Variants in FBN2 observed in about 807,000 individuals in gnomAD.
FBN2 encodes the protein fibrillin 2, also known as fibrillin-2.
Under a neutral mutation model 355.6 loss-of-function variants are expected in FBN2, and 105 were observed. That is an observed-to-expected ratio of 0.30 (90% confidence interval 0.25 to 0.35). The LOEUF (loss-of-function observed/expected upper bound fraction) is 0.35, where lower values mean the gene tolerates loss of function less well. FBN2 is among the 10% of genes least tolerant of loss of function. The pLI, the probability that FBN2 is intolerant of heterozygous loss-of-function variation, is 1.00. For synonymous variants in FBN2, 1,350 were observed against 1,301.2 expected, an observed-to-expected ratio of 1.04 and a Z score of -0.81; for missense variants, 3,280 against 3,758.7, an observed-to-expected ratio of 0.87 and a Z score of 3.33.
At position 128,371,364 on chromosome 5, in the gene FBN2, C is replaced by G. The variant is rs1751930985; in HGVS notation, c.2096-2030G>C. On this transcript the variant is annotated intron_variant, in intron 15 of 64. Transcript: ENST00000262464. ...ATGAATGATCTGGTGACAGACTGGACCTAAATGCATCTTTTCCATATGTTA... is the reference window on the plus strand; with the variant it reads ...ATGAATGATCTGGTGACAGACTGGAGCTAAATGCATCTTTTCCATATGTTA... Among the ~76,000 whole-genome samples the G allele has an allele frequency of 3.3e-5, 5 of 152,082 alleles. No homozygotes were observed. The South Asian group carries it at 1.0e-3, about 32-fold the overall frequency.
intron 40 of FBN2, 103 bp from the exon 41 acceptor site, chr5:128,309,502 C>G (rs1006537984): frequency 7.4e-6 from 7 of 948,552 alleles, no homozygotes; most frequent in Non-Finnish European, 1.2e-5. Flanking sequence ...GAACACAACT[C>G]GGAAACCCTT....
chr5:128,525,233 C>G (rs529180100), intron 4 of FBN2, among the ~76,000 whole-genome samples: 1 of 152,250 alleles, frequency 6.6e-6, no homozygotes, highest in Non-Finnish European at 1.5e-5. Flanking sequence ...TTTCCCTCTA[C>G]AGAGCAAAAG....
At chr5:128,287,047 G>C (rs1749173099) in intron 54 of FBN2, among the ~76,000 whole-genome samples, 198 bp from the exon 55 acceptor site, 1 of 152,102 alleles carries the variant, frequency 6.6e-6, no homozygotes, top group Admixed American at 6.6e-5. Flanking sequence ...AAGAAGTTTA[G>C]GGAAGGGCAA....
chr5:128,264,085 T>G (rs184099929), intron 62 of FBN2, among the ~76,000 whole-genome samples: 15 of 152,210 alleles, frequency 9.9e-5, no homozygotes, highest in Admixed American at 9.2e-4. Context: ...TTGGAGGTGA[T>G]GAGAATGTTC....
chr5:128,474,737 A>C (rs1754963789), intron 5 of FBN2, among the ~76,000 whole-genome samples: 1 of 152,198 alleles, frequency 6.6e-6, no homozygotes, highest in Non-Finnish European at 1.5e-5. Context: ...CTTTCCGAGG[A>C]AACTAATGTG....
intron 7 of FBN2, among the ~76,000 whole-genome samples, chr5:128,416,346 T>C (rs952685429): frequency 6.6e-6 from 1 of 152,206 alleles, no homozygotes; most frequent in African/African-American, 2.4e-5. Flanking sequence ...AAACATTTTA[T>C]CCAATTTAAC....
chr5:128,456,022 A>AAAAAAAAAAAAAAC (rs1362762303), intron 6 of FBN2, among the ~76,000 whole-genome samples: 1 of 147,946 alleles, frequency 6.8e-6, no homozygotes, highest in African/African-American at 2.5e-5. Context: ...AAAAAAAAAA[A>AAAAAAAAAAAAAAC]AGCAACTGCT....
chr5:128,512,354 G>A (rs1281611111), intron 5 of FBN2, among the ~76,000 whole-genome samples: 1 of 151,698 alleles, frequency 6.6e-6, no homozygotes. Flanking sequence ...TCTATTAAAA[G>A]TACAAAAATA....
At chr5:128,400,680 C>A (rs1752774054) in intron 8 of FBN2, among the ~76,000 whole-genome samples, 1 of 152,110 alleles carries the variant, frequency 6.6e-6, no homozygotes, top group African/African-American at 2.4e-5. Flanking sequence ...TATTCTTGGA[C>A]CACAATGTAT....
chr5:128,497,064 T>G (rs973348886), intron 5 of FBN2, among the ~76,000 whole-genome samples: 39 of 152,254 alleles, frequency 2.6e-4, no homozygotes, highest in African/African-American at 8.7e-4. Flanking sequence ...TGAAAAGATA[T>G]TCCATGAAAG....
intron 39 of FBN2, 25 bp downstream of exon 39, chr5:128,311,275 A>G (rs756588884): frequency 1.2e-6 from 2 of 1,613,802 alleles, no homozygotes; most frequent in Non-Finnish European, 1.7e-6. Flanking sequence ...AGCACTGAGC[A>G]TTTTAGGCAT....
At chr5:128,327,628 T>G (rs553953838) in intron 34 of FBN2, among the ~76,000 whole-genome samples, 12 of 151,434 alleles carry the variant, frequency 7.9e-5, no homozygotes, top group South Asian at 2.1e-4. Context: ...TTTGTTGGTT[T>G]GTTTGTTTTT....
At chr5:128,510,250 AAAAAAAG>A (rs534630319) in intron 5 of FBN2, among the ~76,000 whole-genome samples, 3 of 152,162 alleles carry the variant, frequency 2.0e-5, no homozygotes, top group Non-Finnish European at 4.4e-5. Flanking sequence ...GCTGATGACC[AAAAAAAG>A]AAAAAAGAAA....
Position 128,376,770 on chromosome 5 carries a change from G to C in FBN2, c.1933C>G (p.Pro645Ala). Residue 645 changes from proline (P) to alanine (A), a missense_variant, in exon 14 of 65, where the codon CCA becomes GCA. Physicochemically the swap from Pro to Ala is conservative, Grantham distance 27 (BLOSUM62 -1). Transcript: ENST00000262464. ...EDGSFKCICK[P>A]GFVLAPNGRY... ...CCATTTGGAGCCAAGACAAATCCTG[G>C]TTTGCAGATGCACTTGAAGCTGCCA... The C allele has an allele frequency of 6.2e-7, 1 of 1,613,718 alleles. No homozygotes were observed. The highest frequency in any genetic ancestry group is 1.7e-4 in the Middle Eastern group (1 of 6,058).
chr5:128,326,267 C>T (rs1253624263), intron 34 of FBN2, among the ~76,000 whole-genome samples: 7 of 152,154 alleles, frequency 4.6e-5, no homozygotes, highest in Non-Finnish European at 1.0e-4. Flanking sequence ...AAGCTGTATT[C>T]AGTCGCCCAA....
intron 42 of FBN2, 23 bp downstream of exon 42, chr5:128,307,112 A>T: frequency 6.6e-7 from 1 of 1,520,628 alleles, no homozygotes; most frequent in Non-Finnish European, 9.1e-7. Context: ...GTATTAAAAC[A>T]AACATAATCT....
intron 39 of FBN2, 42 bp from the exon 40 acceptor site, chr5:128,310,150 T>C: frequency 1.3e-6 from 2 of 1,499,830 alleles, no homozygotes; most frequent in Non-Finnish European, 1.8e-6. Context: ...AAATCTATTT[T>C]TTCAATGAAT....
chr5:128,335,518 C>T lies in FBN2; in HGVS notation c.3784G>A (p.Gly1262Arg), dbSNP rs763526527. 5.0e-6 allele frequency: 8 copies of T among 1,613,724 alleles called. No individual in the cohort carries two copies. Among genetic ancestry groups the T allele is most frequent in the Non-Finnish European group, 6.8e-6 (8 of 1,179,588 alleles). The part of the protein sequence containing the change: ...GCDTQCTNSE[G>R]SYECSCSEGY... ...TCACTGCAGCTGCATTCGTAGCTTC[C>T]CTCTGAATTTGTGCACTGGGTGTCA... Residue 1262 changes from glycine to arginine, a missense_variant, in exon 29 of 65, where the codon GGA becomes AGA. Physicochemically the swap from Gly to Arg is moderately radical, Grantham distance 125. Transcript: ENST00000262464.
intron 17 of FBN2, 53 bp downstream of exon 17, chr5:128,366,324 G>T: frequency 2.2e-6 from 2 of 910,536 alleles, no homozygotes; most frequent in Non-Finnish European, 3.6e-6. Flanking sequence ...GAATTATAAA[G>T]CTATACGATT....
Sources: gnomAD v4.1 joint callset for allele counts (sites outside exome capture counted in the v4.1 genomes callset) on GRCh38, gnomAD v4.1.1 for gene constraint, MANE v1.5 for transcripts, NCBI Gene and HGNC (gene_info 2026-07-23, HGNC 2026-07-21) for gene names.